KSR1: variants seen among roughly 807,000 people sequenced by gnomAD.
The protein encoded by KSR1 is kinase suppressor of ras 1, also known as kinase suppressor of ras.
A neutral mutation model predicts 92.9 loss-of-function variants in KSR1; 35 were observed. The observed-to-expected ratio is 0.38, with a 90% CI of 0.29 to 0.50. The LOEUF is 0.50. KSR1 is among the 20% of genes least tolerant of loss of function. The probability of loss-of-function intolerance (pLI) is 0.94; values close to 1 mark genes in which losing one functional copy is unlikely to be tolerated. For synonymous variants in KSR1, 467 were observed against 472.6 expected (o/e 0.99, Z 0.15); for missense variants, 972 against 1,158.5 (o/e 0.84, Z 2.34).
chr17:27,597,083 G>A (rs2073367343), intron 9 of KSR1, among the ~76,000 whole-genome samples, 185 bp from the exon 10 acceptor site: 1 of 152,228 alleles, frequency 6.6e-6, no homozygotes, highest in Admixed American at 6.5e-5. Context: ...CCCCCGGGGA[G>A]TGAGCACTGA....
intron 4 of KSR1, among the ~76,000 whole-genome samples, chr17:27,583,770 CTT>C (rs2072867359): frequency 6.6e-6 from 1 of 152,222 alleles, no homozygotes; most frequent in African/African-American, 2.4e-5. Context: ...ATGTTTTACT[CTT>C]TTGTTTAGTT....
chr17:27,541,553 C>T (rs568799864), intron 1 of KSR1, among the ~76,000 whole-genome samples: 5 of 152,138 alleles, frequency 3.3e-5, no homozygotes, highest in Non-Finnish European at 7.4e-5. Flanking sequence ...ACAGTCTAGG[C>T]GTGGCTGGAT....
chr17:27,582,634 C>T lies in KSR1; in HGVS notation c.521-12C>T, dbSNP rs1205920891. ...GCCCTGACCATCTGTGACTCCACGT[C>T]TTGGTCCACAGGAGGGGAGCACAAG... On this transcript the variant is annotated splice_polypyrimidine_tract_variant and intron_variant, in intron 3 of 20. Transcript: ENST00000644974. The T allele has an allele frequency of 2.5e-6, 4 of 1,596,706 alleles. No individual in the cohort carries two copies. Among genetic ancestry groups the T allele is most frequent in the Non-Finnish European group, 3.4e-6 (4 of 1,169,128 alleles).
In KSR1 at chr17:27,541,280, C is replaced by T. The variant is rs75211766; in HGVS notation, c.232-9288C>T. ...AATAAAACAAGAGGCAAGTGATGGA[C>T]GAATGGAGTGGCTGTCCAGTTACTT... On this transcript the variant is annotated intron_variant, in intron 1 of 20. Transcript: ENST00000644974. Among the ~76,000 whole-genome samples, 1,094 of 152,290 alleles carry T rather than the reference C, an allele frequency of 7.2e-3. 11 individuals carry two copies. The highest frequency in any genetic ancestry group is 0.012 in the Non-Finnish European group (820 of 68,022).
At chr17:27,468,418 T>C (rs2019814398) in intron 1 of KSR1, among the ~76,000 whole-genome samples, 1 of 151,934 alleles carries the variant, frequency 6.6e-6, no homozygotes, top group African/African-American at 2.4e-5. Flanking sequence ...TTATTTTTAG[T>C]AGAGACAGGG....
At chr17:27,564,031 G>A (rs78465301) in intron 2 of KSR1, among the ~76,000 whole-genome samples, 1,412 of 100,516 alleles carry the variant, frequency 0.014, 13 homozygotes, top group Admixed American at 0.022. Flanking sequence ...CCTTGTTGCC[G>A]AGGCTGGAGT....
At chr17:27,495,210 G>A (rs1042843216) in intron 1 of KSR1, among the ~76,000 whole-genome samples, 37 of 152,218 alleles carry the variant, frequency 2.4e-4, no homozygotes, top group African/African-American at 8.9e-4. Context: ...GTGGTACAGG[G>A]TTCTGGGGGT....
chr17:27,592,852 ACTTCCTGTGT>A (rs2039994112), intron 9 of KSR1, among the ~76,000 whole-genome samples: 1 of 152,080 alleles, frequency 6.6e-6, no homozygotes, highest in Non-Finnish European at 1.5e-5. Flanking sequence ...TTGAGCTAAC[ACTTCCTGTGT>A]GCTTAGTGTG....
intron 1 of KSR1, among the ~76,000 whole-genome samples, chr17:27,513,257 G>A (rs1233789706): frequency 6.6e-6 from 1 of 152,028 alleles, no homozygotes; most frequent in East Asian, 1.9e-4. Flanking sequence ...CCATTCTCCT[G>A]TTGAACATTT....
intron 1 of KSR1, among the ~76,000 whole-genome samples, chr17:27,492,400 C>T (rs1471641541): frequency 2.6e-5 from 4 of 152,118 alleles, no homozygotes; most frequent in African/African-American, 9.7e-5. Context: ...TTTCTTGTGC[C>T]CGTGAATTCC....
chr17:27,487,002 T>G (rs1253638739), intron 1 of KSR1, among the ~76,000 whole-genome samples: 6 of 152,176 alleles, frequency 3.9e-5, no homozygotes, highest in Non-Finnish European at 5.9e-5. Context: ...GTGACCTTAT[T>G]TTTTTAGATA....
At chr17:27,483,501 C>T (rs1254462739) in intron 1 of KSR1, among the ~76,000 whole-genome samples, 1 of 150,604 alleles carries the variant, frequency 6.6e-6, no homozygotes, top group African/African-American at 2.4e-5. Flanking sequence ...GCAGGAGAAT[C>T]GCTTGAACGT....
intron 10 of KSR1, 88 bp downstream of exon 10, chr17:27,597,524 G>T (rs2073389588): frequency 3.7e-6 from 5 of 1,359,362 alleles, no homozygotes; most frequent in Non-Finnish European, 5.0e-6. Context: ...TTCAAGGTCA[G>T]ACATGGCCAC....
chr17:27,535,522 TC>T (rs1020577461), intron 1 of KSR1, among the ~76,000 whole-genome samples: 1 of 152,216 alleles, frequency 6.6e-6, no homozygotes, highest in African/African-American at 2.4e-5. Context: ...GCATAGAGCT[TC>T]ATTTCACAGC....
At chr17:27,591,151 G>A (rs150320228) in intron 7 of KSR1, among the ~76,000 whole-genome samples, 3 of 152,312 alleles carry the variant, frequency 2.0e-5, no homozygotes, top group East Asian at 1.9e-4. Context: ...ACTAAGGCCT[G>A]GAGGAATATG....
intron 1 of KSR1, among the ~76,000 whole-genome samples, chr17:27,497,057 C>T (rs745601433): frequency 5.6e-4 from 85 of 152,342 alleles, no homozygotes; most frequent in Non-Finnish European, 5.0e-4. Flanking sequence ...TTTCCTCCTT[C>T]CCTGTTGGGC....
At chr17:27,463,036 G>A (rs1439042142) in intron 1 of KSR1, among the ~76,000 whole-genome samples, 2 of 152,224 alleles carry the variant, frequency 1.3e-5, no homozygotes, top group Non-Finnish European at 2.9e-5. Flanking sequence ...GTGCTGCAAC[G>A]AGTATCTTCC....
intron 1 of KSR1, among the ~76,000 whole-genome samples, chr17:27,467,886 C>G (rs1235114829): frequency 2.0e-5 from 3 of 151,386 alleles, no homozygotes. Context: ...TCGTGGCTCA[C>G]TGCAAGCTCT....
chr17:27,525,991 A>ACTTTTCTTTTCTTTTCTTTT (rs138403263), intron 1 of KSR1, among the ~76,000 whole-genome samples: 11,272 of 71,084 alleles, frequency 0.16, 1,923 homozygotes, highest in East Asian at 0.23. Flanking sequence ...ACTGCAACTA[A>ACTTTTCTTTTCTTTTCTTTT]CTTTTCTTTT....
Sources: allele counts gnomAD v4.1 joint callset (sites outside exome capture counted in the v4.1 genomes callset), GRCh38; gene constraint gnomAD v4.1.1; transcripts MANE v1.5; gene names NCBI Gene and HGNC (gene_info 2026-07-23, HGNC 2026-07-21).